Variants in SQOR observed in about 807,000 individuals in gnomAD.
SQOR encodes the protein sulfide quinone oxidoreductase.
In SQOR, 39 loss-of-function variants were observed where a neutral mutation model predicts 48.6. The ratio of observed to expected loss-of-function variants is 0.80; its 90% CI spans 0.62 to 1.05. The LOEUF is 1.05. Among genes scored for constraint, SQOR ranks in the 50% least tolerant of loss-of-function variants. The pLI is 0.00. For synonymous variants in SQOR, 220 were observed against 206.2 expected (o/e 1.07, Z -0.57); for missense variants, 561 against 559.9 (o/e 1.00, Z -0.02).
intron 1 of SQOR, among the ~76,000 whole-genome samples, chr15:45,650,028 A>T (rs1595572024): frequency 6.6e-6 from 1 of 151,630 alleles, no homozygotes; most frequent in East Asian, 2.0e-4. Context: ...TTTTTAGTAG[A>T]GATGCGGTTT....
intron 1 of SQOR, among the ~76,000 whole-genome samples, chr15:45,638,135 T>C (rs1424695500): frequency 6.6e-6 from 1 of 152,110 alleles, no homozygotes; most frequent in Non-Finnish European, 1.5e-5. Flanking sequence ...GAGAACTTTG[T>C]GGAAAAAAAC....
chr15:45,674,949 A>T (rs2140956917), intron 5 of SQOR, among the ~76,000 whole-genome samples: 1 of 152,324 alleles, frequency 6.6e-6, no homozygotes, highest in African/African-American at 2.4e-5. Context: ...GAATGTGCTC[A>T]TGGAGGCTGG....
chr15:45,644,147 A>G (rs673555), intron 1 of SQOR, among the ~76,000 whole-genome samples: 39,995 of 151,706 alleles, frequency 0.26, 6,643 homozygotes, highest in East Asian at 0.64. Flanking sequence ...GAGTGCAGTG[A>G]CGCGATCTCG....
chr15:45,655,919 T>TC (rs1324740931), intron 1 of SQOR, among the ~76,000 whole-genome samples: 1 of 152,026 alleles, frequency 6.6e-6, no homozygotes, highest in Admixed American at 6.6e-5. Flanking sequence ...TCTCCTGACC[T>TC]TGTGATCCGC....
chr15:45,646,014 T>G (rs1895198790), intron 1 of SQOR: 2 of 152,244 alleles, frequency 1.3e-5, no homozygotes. Context: ...TACAGGTATT[T>G]GTTGTGATTT....
Position 45,682,483 on chromosome 15 carries a change from AATGC to A in SQOR, c.871_874del (p.Met291PhefsTer7). 2 of 1,614,004 alleles carry A rather than the reference AATGC, an allele frequency of 1.2e-6. No homozygotes were observed. The highest frequency in any genetic ancestry group is 1.7e-6 in the Non-Finnish European group (2 of 1,179,946). ...GATTCTCTCTTTGTGTGTAGTATGA[AATGC>A]TTCATGTCACACCTCCAATGAGCCC... On this transcript the variant is annotated frameshift_variant, in exon 7 of 10. Transcript: ENST00000260324. LOFTEE classifies it high-confidence loss of function.
rs948618483 is a variant in SQOR at position 45,689,189 on chromosome 15, C to G, written c.1267C>G (p.Pro423Ala). The G allele has an allele frequency of 1.4e-5, 23 of 1,613,926 alleles. No homozygotes were observed. Among genetic ancestry groups the G allele is most frequent in the Non-Finnish European group, 1.9e-5 (22 of 1,179,986 alleles). The change falls in exon 9 of 10, where the codon CCT becomes GCT. Residue 423 changes from proline (P) to alanine (A), a missense_variant. Transcript: ENST00000260324. ...SMYLMKADLM[P>A]FLYWNMMLRG... is the part of the protein sequence containing the mutation. ...GTATCTCATGAAAGCTGACCTGATG[C>G]CTTTCCTGTATTGGAATATGATGCT...
At chr15:45,688,534 TGCA>T in intron 8 of SQOR, 130 bp downstream of exon 8, 4 of 674,982 alleles carry the variant, frequency 5.9e-6, no homozygotes, top group Non-Finnish European at 7.1e-6. Context: ...TTTTTTGAGA[TGCA>T]GTTTGCTCTT....
chr15:45,679,795 T>A (rs1890094070), intron 6 of SQOR, among the ~76,000 whole-genome samples: 1 of 152,208 alleles, frequency 6.6e-6, no homozygotes, highest in African/African-American at 2.4e-5. Flanking sequence ...AAGCATGTGA[T>A]CCACAGATTT....
At chr15:45,656,456 ATT>A (rs34189540) in intron 1 of SQOR, among the ~76,000 whole-genome samples, 26 of 146,728 alleles carry the variant, frequency 1.8e-4, no homozygotes, top group Admixed American at 3.4e-4. Flanking sequence ...TGCCTGGCTA[ATT>A]TTTTTTTTTT....
intron 1 of SQOR, among the ~76,000 whole-genome samples, chr15:45,646,348 G>A (rs1410744228): frequency 6.6e-6 from 1 of 152,204 alleles, no homozygotes; most frequent in African/African-American, 2.4e-5. Context: ...AGAAAAAGTT[G>A]CTCGTCAGAA....
At chr15:45,647,895 C>T (rs528962721) in intron 1 of SQOR, among the ~76,000 whole-genome samples, 10 of 152,072 alleles carry the variant, frequency 6.6e-5, no homozygotes, top group South Asian at 6.3e-4. Context: ...CCAGCCTGGG[C>T]GACAAGTGAC....
At chr15:45,670,589 C>T (rs1286317270) in intron 4 of SQOR, among the ~76,000 whole-genome samples, 1 of 152,172 alleles carries the variant, frequency 6.6e-6, no homozygotes, top group East Asian at 1.9e-4. Flanking sequence ...TAAATATTAT[C>T]ATTTCCAGAA....
intron 1 of SQOR, among the ~76,000 whole-genome samples, chr15:45,658,449 T>C (rs1889654739): frequency 6.6e-6 from 1 of 152,224 alleles, no homozygotes; most frequent in African/African-American, 2.4e-5. Flanking sequence ...TGCCTTTTAC[T>C]GCAAGGAATG....
At chr15:45,642,804 A>G (rs1051954169) in intron 1 of SQOR, among the ~76,000 whole-genome samples, 2 of 151,364 alleles carry the variant, frequency 1.3e-5, no homozygotes, top group African/African-American at 4.9e-5. Flanking sequence ...TTTTTCTTCC[A>G]GAAGCCTTTC....
intron 1 of SQOR, among the ~76,000 whole-genome samples, chr15:45,636,841 G>T (rs188984959): frequency 2.6e-5 from 4 of 152,104 alleles, no homozygotes; most frequent in Admixed American, 1.3e-4. Flanking sequence ...TTAAATATCC[G>T]TAAAAATAAA....
intron 6 of SQOR, among the ~76,000 whole-genome samples, chr15:45,677,304 C>T (rs1890055273): frequency 6.6e-6 from 1 of 152,092 alleles, no homozygotes; most frequent in Non-Finnish European, 1.5e-5. Flanking sequence ...CATGCATCAG[C>T]TCTCTTTAGC....
chr15:45,633,513 G>A (rs957479665), upstream of SQOR, among the ~76,000 whole-genome samples: 1 of 151,898 alleles, frequency 6.6e-6, no homozygotes, highest in Non-Finnish European at 1.5e-5. Flanking sequence ...GGCCAACATG[G>A]TGAAACCCTG....
At chr15:45,641,104 CAT>C (rs918877952) in intron 1 of SQOR, among the ~76,000 whole-genome samples, 1 of 152,128 alleles carries the variant, frequency 6.6e-6, no homozygotes, top group African/African-American at 2.4e-5. Context: ...AATTGACTGA[CAT>C]ATTTTTTCTT....
Sources: allele counts gnomAD v4.1 joint callset (sites outside exome capture counted in the v4.1 genomes callset), GRCh38; gene constraint gnomAD v4.1.1; transcripts MANE v1.5; gene names NCBI Gene and HGNC (gene_info 2026-07-23, HGNC 2026-07-21).